Variants in GALNTL5 observed in about 807,000 individuals in gnomAD.
GALNTL5 encodes the protein inactive polypeptide N-acetylgalactosaminyltransferase-like protein 5.
In GALNTL5, 44 loss-of-function variants were observed where a neutral mutation model predicts 51.0. The observed-to-expected ratio is 0.86, with a 90% CI of 0.68 to 1.11. The LOEUF is 1.11. Ranked by LOEUF, GALNTL5 falls within the 50% of genes least tolerant of loss-of-function variation. The pLI, the probability that GALNTL5 is intolerant of heterozygous loss-of-function variation, is 0.00. For synonymous variants in GALNTL5, 192 were observed against 182.8 expected (o/e 1.05, Z -0.41); for missense variants, 528 against 531.8 (o/e 0.99, Z 0.07).
intron 7 of GALNTL5, among the ~76,000 whole-genome samples, chr7:152,011,988 G>A (rs1378863303): frequency 6.6e-6 from 1 of 152,220 alleles, no homozygotes; most frequent in African/African-American, 2.4e-5. Context: ...TCAGAATACA[G>A]GTTGTTGGGC....
intron 7 of GALNTL5, among the ~76,000 whole-genome samples, chr7:152,012,134 G>C (rs1235088759): frequency 6.6e-6 from 1 of 152,174 alleles, no homozygotes; most frequent in Non-Finnish European, 1.5e-5. Context: ...TTATACCTCT[G>C]CATGCATGAT....
intron 6 of GALNTL5, among the ~76,000 whole-genome samples, chr7:152,006,733 T>C (rs545750265): frequency 1.8e-4 from 28 of 152,294 alleles, no homozygotes; most frequent in South Asian, 1.2e-3. Context: ...TAAATACTTA[T>C]TTGAACAAAT....
chr7:152,004,244 T>C (rs2081615182), intron 6 of GALNTL5, among the ~76,000 whole-genome samples: 1 of 151,674 alleles, frequency 6.6e-6, no homozygotes, highest in South Asian at 2.1e-4. Context: ...AAACTTCTCA[T>C]GTGTTAAATT....
chr7:151,989,306 A>G (rs1376781482), intron 5 of GALNTL5, among the ~76,000 whole-genome samples: 1 of 151,302 alleles, frequency 6.6e-6, no homozygotes, highest in African/African-American at 2.4e-5. Context: ...GGGCGCCACC[A>G]CACCCAGCTA....
At chr7:151,968,519 C>A (rs1332479544) in intron 2 of GALNTL5, among the ~76,000 whole-genome samples, 2 of 152,192 alleles carry the variant, frequency 1.3e-5, no homozygotes, top group Admixed American at 1.3e-4. Flanking sequence ...ACACGACAGC[C>A]CCTTGGCAGG....
chr7:151,959,845 C>T (rs2080970549), intron 1 of GALNTL5, among the ~76,000 whole-genome samples: 1 of 152,124 alleles, frequency 6.6e-6, no homozygotes, highest in African/African-American at 2.4e-5. Flanking sequence ...GGAGAGCTAG[C>T]CTTGTTGGGG....
At chr7:151,999,595 CTAA>C (rs2081545412) in intron 5 of GALNTL5, among the ~76,000 whole-genome samples, 1 of 152,136 alleles carries the variant, frequency 6.6e-6, no homozygotes, top group Non-Finnish European at 1.5e-5. Flanking sequence ...TTGTGTTTTC[CTAA>C]TGACATGATG....
At chr7:151,969,386 T>C (rs2081099758) in intron 2 of GALNTL5, among the ~76,000 whole-genome samples, 1 of 152,230 alleles carries the variant, frequency 6.6e-6, no homozygotes, top group Admixed American at 6.5e-5. Flanking sequence ...TTTTTCCATA[T>C]GGATATTGTG....
chr7:151,997,016 G>A (rs1001326377), intron 5 of GALNTL5, among the ~76,000 whole-genome samples: 3 of 152,016 alleles, frequency 2.0e-5, no homozygotes, highest in Non-Finnish European at 2.9e-5. Flanking sequence ...CAAAAAACAA[G>A]TTAACAAACG....
chr7:152,009,997 C>A (rs944020784), intron 7 of GALNTL5, among the ~76,000 whole-genome samples: 9 of 152,200 alleles, frequency 5.9e-5, no homozygotes, highest in Non-Finnish European at 1.0e-4. Flanking sequence ...GTATGCTGAG[C>A]ATTGAGAAGA....
At chr7:151,978,247 C>A (rs2081231836) in intron 3 of GALNTL5, among the ~76,000 whole-genome samples, 1 of 152,126 alleles carries the variant, frequency 6.6e-6, no homozygotes, top group Non-Finnish European at 1.5e-5. Flanking sequence ...CAATTTTTAA[C>A]TTCCTCTGAT....
chr7:151,996,701 A>T (rs1389937556), intron 5 of GALNTL5, among the ~76,000 whole-genome samples: 1 of 152,126 alleles, frequency 6.6e-6, no homozygotes, highest in African/African-American at 2.4e-5. Context: ...GTGAGCTATG[A>T]CTATGCCACT....
At chr7:152,005,540 T>C (rs1028986809) in intron 6 of GALNTL5, among the ~76,000 whole-genome samples, 3 of 152,190 alleles carry the variant, frequency 2.0e-5, no homozygotes, top group African/African-American at 7.2e-5. Flanking sequence ...AGATGTCTAT[T>C]TGGCATTCAA....
At chr7:151,964,669 C>T (rs1476028458) in intron 1 of GALNTL5, among the ~76,000 whole-genome samples, 2 of 152,136 alleles carry the variant, frequency 1.3e-5, no homozygotes, top group Non-Finnish European at 2.9e-5. Flanking sequence ...TCATCAGTGT[C>T]GTGAAAACAG....
In GALNTL5 at chr7:151,993,233, C is replaced by CA. The variant is rs750087044; in HGVS notation, c.658+5968dup. On this transcript the variant is annotated intron_variant, in intron 5 of 8. Coordinates refer to ENST00000392800, the MANE Select transcript of GALNTL5 (RefSeq NM_145292.4). ...TGGGCAACAGAGTGAGACCATGTCT[C>CA]AAAAAAAAAAAAAAAAGGAAGATGC... Among the ~76,000 whole-genome samples, 662 of 88,304 alleles carry CA rather than the reference C, an allele frequency of 7.5e-3. 1 individual carries two copies. The highest frequency in any genetic ancestry group is 0.01 in the Non-Finnish European group (408 of 40,786). 57.9% of individuals were successfully genotyped at this position (88,304 alleles called of 152,430 possible). A position where few individuals can be genotyped will look rare whatever the true frequency, so the allele number is the denominator to read the frequency against.
chr7:151,984,475 T>C (rs1050375362), intron 4 of GALNTL5, among the ~76,000 whole-genome samples: 1 of 151,896 alleles, frequency 6.6e-6, no homozygotes, highest in African/African-American at 2.4e-5. Context: ...TCCCATGAGG[T>C]TCACCCTGCG....
intron 3 of GALNTL5, among the ~76,000 whole-genome samples, chr7:151,980,755 TTTTTTTTTGAGATG>T (rs2081269291): frequency 8.1e-6 from 1 of 122,908 alleles, no homozygotes; most frequent in Non-Finnish European, 1.7e-5. Flanking sequence ...TTTTTTTTTT[TTTTTTTTTGAGATG>T]GAGTCTCGCT....
At chr7:151,970,308 C>T (rs1298000828) in intron 2 of GALNTL5, among the ~76,000 whole-genome samples, 1 of 152,092 alleles carries the variant, frequency 6.6e-6, no homozygotes, top group Non-Finnish European at 1.5e-5. Context: ...GAAAATGGAC[C>T]ATCACATATA....
chr7:151,993,847 T>C (rs1006334158), intron 5 of GALNTL5, among the ~76,000 whole-genome samples: 3 of 152,138 alleles, frequency 2.0e-5, no homozygotes, highest in Non-Finnish European at 4.4e-5. Flanking sequence ...CTCAAACTCC[T>C]GGTCTCAAGC....
Sources: allele counts gnomAD v4.1 joint callset (sites outside exome capture counted in the v4.1 genomes callset), GRCh38; gene constraint gnomAD v4.1.1; transcripts MANE v1.5; gene names NCBI Gene and HGNC (gene_info 2026-07-23, HGNC 2026-07-21).